The following MYO1D variants were observed in gnomAD, a reference collection of about 807,000 sequenced individuals.
MYO1D encodes myosin ID.
MYO1D carries 83 observed loss-of-function variants against 122.0 expected under a neutral mutation model. The observed-to-expected ratio is 0.68, with a 90% confidence interval of 0.57 to 0.82. The LOEUF is 0.82. Among genes scored for constraint, MYO1D ranks in the 40% least tolerant of loss-of-function variants. The pLI, the probability that MYO1D is intolerant of heterozygous loss-of-function variation, is 0.00. For synonymous variants in MYO1D, 464 were observed against 446.9 expected (o/e 1.04, Z -0.48); for missense variants, 1,157 against 1,269.5 (o/e 0.91, Z 1.35).
intron 13 of MYO1D, among the ~76,000 whole-genome samples, chr17:32,738,615 T>G (rs2089736653): frequency 6.6e-6 from 1 of 152,214 alleles, no homozygotes; most frequent in Non-Finnish European, 1.5e-5. Context: ...ATTTTAAAAA[T>G]TATTTAAACT....
intron 1 of MYO1D, among the ~76,000 whole-genome samples, chr17:32,833,977 T>TTA (rs2090795877): frequency 6.6e-6 from 1 of 152,152 alleles, no homozygotes; most frequent in Non-Finnish European, 1.5e-5. Context: ...ATGCACTATA[T>TTA]ACTTTGCTTC....
intron 21 of MYO1D, among the ~76,000 whole-genome samples, chr17:32,496,563 G>A (rs960831949): frequency 7.9e-5 from 12 of 152,196 alleles, no homozygotes; most frequent in Non-Finnish European, 1.6e-4. Context: ...AGCCCTTGGC[G>A]GCGGGGTCCA....
At chr17:32,847,203 C>T (rs1158044857) in intron 1 of MYO1D, among the ~76,000 whole-genome samples, 16 of 152,286 alleles carry the variant, frequency 1.1e-4, no homozygotes, top group Non-Finnish European at 2.9e-5. Context: ...GAGTTAGATA[C>T]AGAATGTCAA....
chr17:32,640,650 T>C (rs1337717039), intron 19 of MYO1D, among the ~76,000 whole-genome samples: 1 of 151,292 alleles, frequency 6.6e-6, no homozygotes, highest in Non-Finnish European at 1.5e-5. Context: ...ACAAAGGACA[T>C]GAACTAATCA....
intron 1 of MYO1D, among the ~76,000 whole-genome samples, chr17:32,839,395 C>A (rs11651237): frequency 6.6e-6 from 1 of 152,174 alleles, no homozygotes; most frequent in African/African-American, 2.4e-5. Context: ...GTGGCAGGGC[C>A]TAAGAACCAA....
intron 17 of MYO1D, among the ~76,000 whole-genome samples, chr17:32,654,969 C>T (rs557882243): frequency 8.5e-5 from 13 of 152,286 alleles, no homozygotes; most frequent in East Asian, 7.7e-4. Flanking sequence ...TGAGCCACCA[C>T]GCCTGGGCTC....
intron 1 of MYO1D, among the ~76,000 whole-genome samples, chr17:32,797,631 TA>T (rs1422056545): frequency 1.3e-5 from 2 of 152,164 alleles, no homozygotes; most frequent in African/African-American, 4.8e-5. Flanking sequence ...TATGTACATA[TA>T]GAAAAAAACA....
chr17:32,636,594 TGAGTATACA>T (rs1300458338), intron 20 of MYO1D, among the ~76,000 whole-genome samples: 6 of 152,038 alleles, frequency 3.9e-5, no homozygotes, highest in Admixed American at 6.5e-5. Context: ...TAAAGGCTGA[TGAGTATACA>T]GAGTTGATTT....
chr17:32,831,593 C>T (rs992982221), intron 1 of MYO1D, among the ~76,000 whole-genome samples: 15 of 152,184 alleles, frequency 9.9e-5, no homozygotes, highest in Admixed American at 9.8e-4. Flanking sequence ...TACAAAGTAA[C>T]ATATGCTCAA....
chr17:32,771,423 A>T (rs1417609884), intron 5 of MYO1D, among the ~76,000 whole-genome samples: 3 of 152,180 alleles, frequency 2.0e-5, no homozygotes, highest in Non-Finnish European at 2.9e-5. Context: ...AATGTTATGC[A>T]GTCATAAAGA....
At chr17:32,807,655 A>G (rs1308997636) in intron 1 of MYO1D, among the ~76,000 whole-genome samples, 2 of 152,228 alleles carry the variant, frequency 1.3e-5, no homozygotes, top group Non-Finnish European at 2.9e-5. Flanking sequence ...GCCAAAGCAC[A>G]GAAAAGCTGG....
intron 20 of MYO1D, among the ~76,000 whole-genome samples, chr17:32,626,670 G>A (rs114350620): frequency 6.6e-6 from 1 of 152,156 alleles, no homozygotes; most frequent in Non-Finnish European, 1.5e-5. Flanking sequence ...AAAGCAGTTT[G>A]CTTAGTAGCG....
Position 32,553,077 on chromosome 17 carries a change from C to CAA in MYO1D, c.2864+52008_2864+52009dup, listed in dbSNP as rs200769034. Among the ~76,000 whole-genome samples, 692 of 105,746 alleles carry CAA rather than the reference C, an allele frequency of 6.5e-3. 4 individuals are homozygous for CAA. Among genetic ancestry groups the CAA allele is most frequent in the East Asian group, 0.018 (48 of 2,718 alleles). The allele number at this position is 105,746 out of a possible 152,430, so 69.4% of individuals were successfully genotyped here. ...TATAGTGAGATGCCATTCTCTAAGA[C>CAA]AAAAAAAAAAAAACAAAAAACAAAA... On this transcript the variant is annotated intron_variant, in intron 21 of 21. Transcript: ENST00000318217.
intron 21 of MYO1D, among the ~76,000 whole-genome samples, chr17:32,506,376 T>C (rs141458398): frequency 6.6e-6 from 1 of 152,160 alleles, no homozygotes; most frequent in African/African-American, 2.4e-5. Flanking sequence ...AAGGTCCATG[T>C]CTCATTTGGG....
At chr17:32,849,862 A>C (rs915397770) in intron 1 of MYO1D, among the ~76,000 whole-genome samples, 2 of 152,236 alleles carry the variant, frequency 1.3e-5, no homozygotes, top group Non-Finnish European at 2.9e-5. Context: ...ATAAGTTTGA[A>C]GCCCAAATTG....
intron 21 of MYO1D, among the ~76,000 whole-genome samples, chr17:32,547,249 T>C (rs915395090): frequency 1.3e-5 from 2 of 152,192 alleles, no homozygotes; most frequent in Non-Finnish European, 2.9e-5. Flanking sequence ...TCTTTTTTCA[T>C]ATATGTTACA....
Position 32,494,604 on chromosome 17 carries a change from G to T in MYO1D, c.*155C>A. The T allele has an allele frequency of 2.2e-6, 2 of 902,382 alleles. No individual in the cohort carries two copies. The highest frequency in any genetic ancestry group is 1.6e-6 in the Non-Finnish European group (1 of 612,702). 55.9% of individuals were successfully genotyped at this position (902,382 alleles called of 1,614,324 possible). On this transcript the variant is annotated 3_prime_UTR_variant, in exon 22 of 22. Transcript: ENST00000318217. Reference sequence around the variant, plus strand: ...AGGACAGAGGAAGATGATACCAAAGGCAGAAAACCAGGAAGGAAATCTTAC... The same window carrying T: ...AGGACAGAGGAAGATGATACCAAAGTCAGAAAACCAGGAAGGAAATCTTAC...
intron 21 of MYO1D, among the ~76,000 whole-genome samples, chr17:32,559,224 T>C (rs1365873863): frequency 1.3e-5 from 2 of 152,248 alleles, no homozygotes; most frequent in African/African-American, 4.8e-5. Flanking sequence ...GTAATCCATA[T>C]ACAATAGGGA....
At chr17:32,605,367 G>C (rs2087614303) in intron 20 of MYO1D, 126 bp from the exon 21 acceptor site, 3 of 800,448 alleles carry the variant, frequency 3.7e-6, no homozygotes, top group Admixed American at 6.2e-5. Context: ...GGCTGATACA[G>C]GATGATCATT....
Sources: gnomAD v4.1 joint callset for allele counts (sites outside exome capture counted in the v4.1 genomes callset) on GRCh38, gnomAD v4.1.1 for gene constraint, MANE v1.5 for transcripts, NCBI Gene and HGNC (gene_info 2026-07-23, HGNC 2026-07-21) for gene names.